Variants in CASR observed in about 807,000 individuals in gnomAD.
The protein encoded by CASR is extracellular calcium-sensing receptor.
Under a neutral mutation model 69.1 loss-of-function variants are expected in CASR, and 23 were observed. The ratio of observed to expected loss-of-function variants is 0.33; its 90% CI spans 0.24 to 0.47. The LOEUF (loss-of-function observed/expected upper bound fraction) is 0.47, where lower values mean the gene tolerates loss of function less well. CASR is among the 20% of genes least tolerant of loss of function. The pLI is 1.00. For synonymous variants in CASR, 541 were observed against 544.7 expected, an observed-to-expected ratio of 0.99 and a Z score of 0.10; for missense variants, 924 against 1,356.1, an observed-to-expected ratio of 0.68 and a Z score of 5.00.
chr3:122,233,608 C>T (rs1310129574), intron 1 of CASR, among the ~76,000 whole-genome samples: 2 of 152,210 alleles, frequency 1.3e-5, no homozygotes, highest in Non-Finnish European at 2.9e-5. Context: ...GTCTCCAGAG[C>T]GAATGTTTCT....
intron 1 of CASR, among the ~76,000 whole-genome samples, chr3:122,185,512 A>C (rs1197794009): frequency 6.6e-6 from 1 of 152,244 alleles, no homozygotes. Flanking sequence ...GTCAAGTTCT[A>C]AACACACTTA....
intron 1 of CASR, among the ~76,000 whole-genome samples, chr3:122,250,439 C>G (rs917652200): frequency 3.3e-5 from 5 of 152,160 alleles, no homozygotes; most frequent in African/African-American, 1.2e-4. Flanking sequence ...AAAAATTTAA[C>G]AGGTCTCAGT....
intron 1 of CASR, among the ~76,000 whole-genome samples, chr3:122,222,277 A>T (rs2107602676): frequency 6.6e-6 from 1 of 152,242 alleles, no homozygotes; most frequent in African/African-American, 2.4e-5. Context: ...ACCACTTTTA[A>T]TAGCCTGTGT....
At chr3:122,207,058 T>G (rs536119719) in intron 1 of CASR, among the ~76,000 whole-genome samples, 2 of 152,222 alleles carry the variant, frequency 1.3e-5, no homozygotes, top group Admixed American at 6.5e-5. Context: ...AGTCTCAATT[T>G]CATTTATATC....
chr3:122,258,113 C>T (rs537421765), intron 3 of CASR, among the ~76,000 whole-genome samples: 3 of 152,144 alleles, frequency 2.0e-5, no homozygotes, highest in East Asian at 1.9e-4. Flanking sequence ...TCCTTCTTAA[C>T]GCTATAGAGC....
chr3:122,239,881 G>A (rs980923459), intron 1 of CASR, among the ~76,000 whole-genome samples: 3 of 152,198 alleles, frequency 2.0e-5, no homozygotes, highest in Non-Finnish European at 4.4e-5. Flanking sequence ...AGCACACCTA[G>A]AAGATCAAGA....
chr3:122,215,655 A>G (rs963140211), intron 1 of CASR, among the ~76,000 whole-genome samples: 7 of 152,248 alleles, frequency 4.6e-5, no homozygotes, highest in South Asian at 2.1e-4. Flanking sequence ...CAGTTTTGTC[A>G]AAGTTTCCAC....
At chr3:122,253,848 G>T (rs753310784) in intron 1 of CASR, 100 bp from the exon 2 acceptor site, 2 of 333,750 alleles carry the variant, frequency 6.0e-6, no homozygotes, top group Non-Finnish European at 1.1e-5. Context: ...CCACCCCTAG[G>T]CCCCTCTAAA....
intron 1 of CASR, among the ~76,000 whole-genome samples, chr3:122,212,096 C>T (rs1411741696): frequency 6.6e-6 from 1 of 152,150 alleles, no homozygotes; most frequent in African/African-American, 2.4e-5. Flanking sequence ...CTATTATAAA[C>T]ATACATGGAC....
chr3:122,267,468 A>G (rs7642186), intron 4 of CASR, among the ~76,000 whole-genome samples: 139,914 of 152,246 alleles, frequency 0.92, 64,629 homozygotes, highest in East Asian at 0.98. Context: ...AGGGTAGATA[A>G]AATTTGTGGA....
In CASR at chr3:122,262,386, G is replaced by A. The variant is rs540006567; in HGVS notation, c.1351G>A (p.Asp451Asn). 1 of 1,613,584 alleles carries A rather than the reference G, an allele frequency of 6.2e-7. No homozygotes were observed. The highest frequency in any genetic ancestry group is 1.7e-5 in the Admixed American group (1 of 60,022). ...RGLFTNGSCA[D>N]IKKVEAWQVL... The stretch of plus-strand genomic sequence containing the variant: ...GCTCTTCACCAATGGCTCCTGTGCA[G>A]ACATCAAGAAAGTTGAGGCGTGGCA... The change falls in exon 4 of 7, where the codon GAC (aspartate) becomes AAC (asparagine). Residue 451 changes from aspartate to asparagine, a missense_variant. Coordinates refer to ENST00000639785, the MANE Select transcript of CASR (RefSeq NM_000388.4).
chr3:122,186,901 A>T (rs9878062), intron 1 of CASR, among the ~76,000 whole-genome samples: 3 of 152,226 alleles, frequency 2.0e-5, no homozygotes, highest in Non-Finnish European at 2.9e-5. Flanking sequence ...ACATGTGCCA[A>T]CTTGGCATTT....
At chr3:122,223,380 G>A (rs75762745) in intron 1 of CASR, among the ~76,000 whole-genome samples, 5,944 of 152,014 alleles carry the variant, frequency 0.039, 146 homozygotes, top group South Asian at 0.071. Flanking sequence ...ACAACCAACC[G>A]CACAGACATA....
In CASR at chr3:122,285,404, G is replaced by T; in HGVS notation, c.*213G>T. 2.0e-6 allele frequency: 1 copy of T among 494,416 alleles called. No homozygotes were observed. The highest frequency in any genetic ancestry group is 2.7e-5 in the South Asian group (1 of 37,356). The allele number at this position is 494,416 out of a possible 1,614,324, so 30.6% of individuals were successfully genotyped here. A position where few individuals can be genotyped will look rare whatever the true frequency, so the allele number is the denominator to read the frequency against. On this transcript the variant is annotated 3_prime_UTR_variant, in exon 7 of 7. Coordinates refer to ENST00000639785, the MANE Select transcript of CASR (RefSeq NM_000388.4). ...AGAAGAGCCTTGTGTTTCTGTGGTT[G>T]CATTTGTCAAAGCATTGAGATCTCC...
chr3:122,284,504 G>T lies in CASR; in HGVS notation c.2550G>T (p.Ala850=), dbSNP rs867061333. ...TGGCAGCCAGCTTTGGCTTGCTGGC[G>T]TGCATCTTCTTCAACAAGATCTACA... ...AILAASFGLL[A]CIFFNKIYII... is the part of the protein sequence containing the mutation. Residue 850 remains alanine, a synonymous_variant, in exon 7 of 7, where the codon GCG becomes GCT. Transcript: ENST00000639785. 1.2e-6 allele frequency: 2 copies of T among 1,613,210 alleles called. No homozygotes were observed. The highest frequency in any genetic ancestry group is 1.7e-6 in the Non-Finnish European group (2 of 1,179,974).
At chr3:122,219,708 T>C (rs1433289889) in intron 1 of CASR, among the ~76,000 whole-genome samples, 3 of 152,234 alleles carry the variant, frequency 2.0e-5, no homozygotes, top group Non-Finnish European at 2.9e-5. Context: ...GGGATGGAGA[T>C]ATGCCACCTA....
At chr3:122,254,486 T>C in intron 2 of CASR, 112 bp downstream of exon 2, 1 of 1,079,902 alleles carries the variant, frequency 9.3e-7, no homozygotes, top group Non-Finnish European at 1.4e-6. Context: ...TCAAGAATAG[T>C]GATTGATTGG....
In CASR at chr3:122,262,408, G is replaced by T; in HGVS notation, c.1373G>T (p.Trp458Leu). 1 of 1,611,562 alleles carries T rather than the reference G, an allele frequency of 6.2e-7. No individual in the cohort carries two copies. ...GCAGACATCAAGAAAGTTGAGGCGT[G>T]GCAGGTGCGTCCTTCACTTATATAG... ...SCADIKKVEA[W>L]QVLKHLRHLN... Residue 458 changes from tryptophan to leucine, a missense_variant, in exon 4 of 7, where the codon TGG becomes TTG. By Grantham distance (61) the Trp-to-Leu change is moderately conservative (BLOSUM62 -2). Transcript: ENST00000639785.
At chr3:122,209,407 GAA>G (rs965033132) in intron 1 of CASR, among the ~76,000 whole-genome samples, 3 of 152,182 alleles carry the variant, frequency 2.0e-5, no homozygotes, top group Admixed American at 1.3e-4. Flanking sequence ...ATTTACAAAA[GAA>G]AGAGGTTTAA....
Sources: gnomAD v4.1 joint callset for allele counts (sites outside exome capture counted in the v4.1 genomes callset) on GRCh38, gnomAD v4.1.1 for gene constraint, MANE v1.5 for transcripts, NCBI Gene and HGNC (gene_info 2026-07-23, HGNC 2026-07-21) for gene names.